The following PPHLN1 variants were observed in gnomAD, a reference collection of about 807,000 sequenced individuals.
PPHLN1 encodes the protein periphilin-1.
PPHLN1 carries 29 observed loss-of-function variants against 51.3 expected under a neutral mutation model. The observed-to-expected ratio is 0.57, with a 90% CI of 0.42 to 0.77. The LOEUF (loss-of-function observed/expected upper bound fraction) is 0.77. Among genes scored for constraint, PPHLN1 ranks in the 30% least tolerant of loss-of-function variants. The pLI is 0.00. For synonymous variants in PPHLN1, 147 were observed against 147.8 expected, an observed-to-expected ratio of 0.99 and a Z score of 0.04; for missense variants, 436 against 438.4, an observed-to-expected ratio of 0.99 and a Z score of 0.05.
chr12:42,428,701 A>G (rs1233192689), intron 9 of PPHLN1, among the ~76,000 whole-genome samples: 1 of 152,146 alleles, frequency 6.6e-6, no homozygotes, highest in Admixed American at 6.6e-5. Flanking sequence ...GAGTACACCA[A>G]AATCTCACAG....
intron 4 of PPHLN1, among the ~76,000 whole-genome samples, chr12:42,373,338 CTA>C (rs1197215733): frequency 4.6e-5 from 7 of 152,188 alleles, no homozygotes; most frequent in Non-Finnish European, 8.8e-5. Context: ...TATTAGTGTT[CTA>C]TACCAGTTCA....
At chr12:42,395,576 C>A (rs2078129281) in intron 8 of PPHLN1, among the ~76,000 whole-genome samples, 1 of 152,012 alleles carries the variant, frequency 6.6e-6, no homozygotes, top group African/African-American at 2.4e-5. Flanking sequence ...GTGGTCCGTG[C>A]TTTTTGAGAA....
intron 5 of PPHLN1, among the ~76,000 whole-genome samples, chr12:42,377,774 T>C (rs372248553): frequency 3.5e-5 from 5 of 144,074 alleles, no homozygotes; most frequent in East Asian, 4.1e-4. Context: ...TTATTAAAGA[T>C]AGTTATTAGT....
rs35380616 is a variant in PPHLN1 at position 42,348,818 on chromosome 12, GT to G, written c.73-3057del. On this transcript the variant is annotated intron_variant, in intron 2 of 9. Transcript: ENST00000358314. Reference sequence around the variant, plus strand: ...TTTTACTAATTTTGGCTTAATGTCAGTTTTTTTTTTGGGCAGCTTAGTACTT... The same window carrying G: ...TTTTACTAATTTTGGCTTAATGTCAGTTTTTTTTTGGGCAGCTTAGTACTT... 4.2e-4 allele frequency among the ~76,000 whole-genome samples: 59 copies of G among 140,562 alleles called. No homozygotes were observed. The South Asian group carries it at 6.0e-3, about 14-fold the overall frequency. The allele number at this position is 140,562 out of a possible 152,430, so 92.2% of individuals were successfully genotyped here.
At chr12:42,368,576 T>C (rs546911550) in intron 4 of PPHLN1, among the ~76,000 whole-genome samples, 1 of 152,324 alleles carries the variant, frequency 6.6e-6, no homozygotes, top group Non-Finnish European at 1.5e-5. Context: ...GTTGAATCTG[T>C]ATCTGCCATT....
At chr12:42,364,675 C>G (rs1385730379) in intron 4 of PPHLN1, among the ~76,000 whole-genome samples, 3 of 152,044 alleles carry the variant, frequency 2.0e-5, no homozygotes, top group Non-Finnish European at 2.9e-5. Context: ...AATCTAAGCA[C>G]TTTGGGAGCC....
At chr12:42,355,073 C>A (rs564872674) in intron 3 of PPHLN1, 88 bp from the exon 4 acceptor site, 4 of 1,189,628 alleles carry the variant, frequency 3.4e-6, no homozygotes, top group Admixed American at 1.8e-5. Context: ...TAGGGAAATT[C>A]GGTCTAGTTT....
rs7304224 is a variant in PPHLN1, at chr12:42,430,582, C to T, written c.910-10733C>T. ...TGTGATCTTGGCTCACTGCAACCTC[C>T]GCCTTCCCGGTTCAAGCAATTCTGC... is the stretch of plus-strand genomic sequence containing the variant. On this transcript the variant is annotated intron_variant, in intron 9 of 9. Transcript: ENST00000358314. Among the ~76,000 whole-genome samples, 266 of 152,148 alleles carry T rather than the reference C, an allele frequency of 1.7e-3. 2 individuals are homozygous for T. Among genetic ancestry groups the T allele is most frequent in the East Asian group, 6.2e-3 (32 of 5,172 alleles).
Position 42,375,024 on chromosome 12 carries a change from A to G in PPHLN1, c.461A>G (p.Tyr154Cys), listed in dbSNP as rs376377373. The G allele has an allele frequency of 5.6e-6, 9 of 1,613,634 alleles. No individual in the cohort carries two copies. The highest frequency in any genetic ancestry group is 7.6e-6 in the Non-Finnish European group (9 of 1,179,892). ...RSGSSVSSRS[Y>C]SPERSKSYSF... ...GGTTCCAGTGTCAGTAGCAGAAGCT[A>G]CTCTCCAGAAAGGAGCAAATCATAC... is the stretch of plus-strand genomic sequence containing the variant. The change falls in exon 5 of 10, where the codon TAC (tyrosine) becomes TGC (cysteine). Residue 154 changes from tyrosine (Y) to cysteine (C), a missense_variant. By Grantham distance (194) the Tyr-to-Cys change is radical. Transcript: ENST00000358314.
intron 4 of PPHLN1, among the ~76,000 whole-genome samples, chr12:42,364,562 T>C (rs1337329643): frequency 1.3e-5 from 2 of 152,124 alleles, no homozygotes; most frequent in East Asian, 1.9e-4. Flanking sequence ...AGGTTGAGGC[T>C]GCAGTGAGCT....
At chr12:42,426,313 A>G (rs1251195343) in intron 9 of PPHLN1, among the ~76,000 whole-genome samples, 1 of 151,496 alleles carries the variant, frequency 6.6e-6, no homozygotes, top group Non-Finnish European at 1.5e-5. Context: ...TCTTTACACT[A>G]CTCTTCAAAA....
intron 4 of PPHLN1, among the ~76,000 whole-genome samples, chr12:42,358,587 G>C (rs1304581831): frequency 6.6e-6 from 1 of 152,042 alleles, no homozygotes; most frequent in South Asian, 2.1e-4. Flanking sequence ...TAACTATTTT[G>C]TAGAGATGAG....
intron 7 of PPHLN1, among the ~76,000 whole-genome samples, chr12:42,389,353 C>G (rs1376769489): frequency 1.3e-5 from 2 of 148,704 alleles, no homozygotes. Flanking sequence ...AGCCTGGTAA[C>G]AGAGTGAGAC....
chr12:42,390,855 G>T (rs2077641002), intron 7 of PPHLN1, among the ~76,000 whole-genome samples: 2 of 138,956 alleles, frequency 1.4e-5, no homozygotes, highest in Admixed American at 7.4e-5. Flanking sequence ...AAATAGAGAT[G>T]GGGTCTTGCT....
At chr12:42,432,891 C>G (rs1566025970) in intron 9 of PPHLN1, among the ~76,000 whole-genome samples, 1 of 152,222 alleles carries the variant, frequency 6.6e-6, no homozygotes, top group Non-Finnish European at 1.5e-5. Flanking sequence ...AAGATGTTTA[C>G]TTTCTTCACA....
chr12:42,425,264 TTGTA>T (rs2081350807), intron 9 of PPHLN1, among the ~76,000 whole-genome samples: 2 of 150,038 alleles, frequency 1.3e-5, no homozygotes, highest in Non-Finnish European at 3.0e-5. Flanking sequence ...TTTTTTTTTT[TTGTA>T]TTTTTAGTAG....
chr12:42,393,683 G>A lies in PPHLN1; in HGVS notation c.762G>A (p.Glu254=), dbSNP rs144947287. Residue 254 remains glutamate, a synonymous_variant, in exon 8 of 10, where the codon GAG becomes GAA. Coordinates refer to ENST00000358314, the MANE Select transcript of PPHLN1 (RefSeq NM_201439.2). Reference sequence around the variant, plus strand: ...AAAGTAACTTGCCTGAAATTTCTGAGTATGAGGTAAGGCATAATGTCTCCT... The same window carrying A: ...AAAGTAACTTGCCTGAAATTTCTGAATATGAGGTAAGGCATAATGTCTCCT... ...SDESNLPEIS[E]YEAGSTAPLF... The A allele has an allele frequency of 3.9e-5, 62 of 1,605,060 alleles. No individual in the cohort carries two copies. The African/African-American group carries it at 8.2e-4, about 21-fold the overall frequency.
In PPHLN1 at chr12:42,393,558, T is replaced by A. The variant is rs201394800; in HGVS notation, c.649-12T>A. On this transcript the variant is annotated splice_polypyrimidine_tract_variant and intron_variant, in intron 7 of 9. Transcript: ENST00000358314. ...CTTGAGAATTGTAACAGAAATGTTCTATTTTTATTAGGTGTTAGACAAACC... is the reference window on the plus strand; with the variant it reads ...CTTGAGAATTGTAACAGAAATGTTCAATTTTTATTAGGTGTTAGACAAACC... 1.8e-4 allele frequency: 280 copies of A among 1,578,846 alleles called. No individual in the cohort carries two copies. Among genetic ancestry groups the A allele is most frequent in the Middle Eastern group, 5.1e-4 (3 of 5,914 alleles).
At chr12:42,358,155 A>G (rs187414553) in intron 4 of PPHLN1, among the ~76,000 whole-genome samples, 5 of 152,198 alleles carry the variant, frequency 3.3e-5, no homozygotes, top group Non-Finnish European at 5.9e-5. Context: ...TTGATTCTAT[A>G]TCTTTCCCAT....
Sources: allele counts gnomAD v4.1 joint callset (sites outside exome capture counted in the v4.1 genomes callset), GRCh38; gene constraint gnomAD v4.1.1; transcripts MANE v1.5; gene names NCBI Gene and HGNC (gene_info 2026-07-23, HGNC 2026-07-21).